Variants in PC observed in about 807,000 individuals in gnomAD.
The protein encoded by PC is pyruvate carboxylase, mitochondrial.
PC carries 46 observed loss-of-function variants against 107.8 expected under a neutral mutation model. The ratio of observed to expected loss-of-function variants is 0.43; its 90% confidence interval spans 0.34 to 0.55. The LOEUF (loss-of-function observed/expected upper bound fraction) is 0.55. PC is among the 20% of genes least tolerant of loss of function. PC has a pLI of 0.04. For synonymous variants in PC, 662 were observed against 684.7 expected, an observed-to-expected ratio of 0.97 and a Z score of 0.52; for missense variants, 1,241 against 1,643.1, an observed-to-expected ratio of 0.76 and a Z score of 4.23.
chr11:66,903,547 C>T (rs898267427), intron 3 of PC, among the ~76,000 whole-genome samples: 6 of 150,480 alleles, frequency 4.0e-5, no homozygotes, highest in South Asian at 2.1e-4. Context: ...CAAAACCAGC[C>T]TGGCCAACTT....
intron 3 of PC, among the ~76,000 whole-genome samples, chr11:66,936,578 G>A (rs1418089368): frequency 1.7e-4 from 26 of 152,170 alleles, no homozygotes; most frequent in Admixed American, 1.6e-3. Context: ...TCAGTAAAAT[G>A]TTGTGAAATG....
In PC at chr11:66,875,712, C is replaced by T. The variant is rs367816568; in HGVS notation, c.1-3553G>A. Among the ~76,000 whole-genome samples the T allele has an allele frequency of 1.1e-4, 16 of 152,130 alleles. No individual in the cohort carries two copies. The East Asian group carries it at 2.1e-3, about 20-fold the overall frequency. ...GATGGGGGCTGGGAAGGGGCCACTG[C>T]GGTGACCAGGAGGCACCCAGGTCAC... On this transcript the variant is annotated intron_variant, in intron 3 of 22. Coordinates refer to ENST00000393960, the MANE Select transcript of PC (RefSeq NM_001040716.2).
Position 66,858,715 on chromosome 11 carries a change from A to G in PC, c.1368+5059T>C, listed in dbSNP as rs774498707. 1.4e-5 allele frequency: 22 copies of G among 1,550,056 alleles called. 1 individual carries two copies. The highest frequency in any genetic ancestry group is 5.9e-5 in the South Asian group (5 of 84,660). ...GGTCCTGACGACCGGTTGGTTGGCA[A>G]CTCCTCCCGAGCCCGGGCTTTCCCC... On this transcript the variant is annotated intron_variant, in intron 12 of 22. Coordinates refer to ENST00000393960, the MANE Select transcript of PC (RefSeq NM_001040716.2). This position sits in a 1 kb window ranked among gnomAD's most constrained non-coding sequence, Gnocchi z 5.9.
Position 66,857,887 on chromosome 11 carries a change from G to A in PC, c.1369-4504C>T, listed in dbSNP as rs747133744. The A allele has an allele frequency of 1.2e-6, 2 of 1,611,346 alleles. No individual in the cohort carries two copies. Among genetic ancestry groups the A allele is most frequent in the Admixed American group, 1.7e-5 (1 of 59,988 alleles). On this transcript the variant is annotated intron_variant, in intron 12 of 22. Coordinates refer to ENST00000393960, the MANE Select transcript of PC (RefSeq NM_001040716.2). The surrounding 1 kb of genome is among the most constrained non-coding windows in gnomAD (Gnocchi z 7.1). ...CTGTTTGTGCCGCCCAACGTGGACC[G>A]GCGCACAGTGGAGCTGCGGCTGGCT...
chr11:66,862,664 T>G (rs932562459), intron 12 of PC, among the ~76,000 whole-genome samples: 3 of 152,188 alleles, frequency 2.0e-5, no homozygotes, highest in African/African-American at 7.2e-5. Context: ...ACGGGACACG[T>G]GCTGGCTTCA....
chr11:66,910,288 A>T (rs1166195676), intron 3 of PC, among the ~76,000 whole-genome samples: 1 of 152,104 alleles, frequency 6.6e-6, no homozygotes, highest in Non-Finnish European at 1.5e-5. Context: ...GGTAGTGCTT[A>T]CATCTGTCTC....
chr11:66,880,574 G>A (rs137887442), intron 3 of PC, among the ~76,000 whole-genome samples: 189 of 152,308 alleles, frequency 1.2e-3, no homozygotes, highest in Non-Finnish European at 2.0e-3. Flanking sequence ...CAGGCTGTAC[G>A]AAACCAAGCC....
intron 3 of PC, among the ~76,000 whole-genome samples, chr11:66,909,128 A>G (rs1160040661): frequency 6.6e-6 from 1 of 152,124 alleles, no homozygotes; most frequent in Non-Finnish European, 1.5e-5. Flanking sequence ...TGGTTGTGAC[A>G]ATTCTTGTCC....
rs183575591 is a variant in PC, at chr11:66,913,423, G to A, written c.-1+39007C>T. On this transcript the variant is annotated intron_variant, in intron 3 of 22. Transcript: ENST00000393960. ...CTGCAGGCTGGGCGCAGTGGCTCAC[G>A]CTTGTAATCCCAGCACTTTGGGAGG... is the stretch of plus-strand genomic sequence containing the variant. Among the ~76,000 whole-genome samples, 3 of 151,912 alleles carry A rather than the reference G, an allele frequency of 2.0e-5. No homozygotes were observed. The South Asian group carries it at 6.2e-4, about 31-fold the overall frequency.
intron 3 of PC, among the ~76,000 whole-genome samples, chr11:66,873,120 G>C (rs894265060): frequency 6.7e-6 from 1 of 150,134 alleles, no homozygotes; most frequent in African/African-American, 2.5e-5. Flanking sequence ...AGGCACATTT[G>C]TGTGAGCTCA....
At chr11:66,893,360 G>A (rs1377788618) in intron 3 of PC, among the ~76,000 whole-genome samples, 1 of 152,168 alleles carries the variant, frequency 6.6e-6, no homozygotes, top group Non-Finnish European at 1.5e-5. Context: ...CGGGGAGTGA[G>A]GGGAGCAGCG....
intron 12 of PC, among the ~76,000 whole-genome samples, chr11:66,861,258 C>T (rs2135888853): frequency 6.6e-6 from 1 of 152,330 alleles, no homozygotes; most frequent in African/African-American, 2.4e-5. Flanking sequence ...GAACTATCTG[C>T]TTCTAGGCAC....
chr11:66,868,847 C>A lies in PC; in HGVS notation c.1021G>T (p.Asp341Tyr), dbSNP rs370810518. 1 of 1,611,180 alleles carries A rather than the reference C, an allele frequency of 6.2e-7. No homozygotes were observed. The highest frequency in any genetic ancestry group is 8.5e-7 in the Non-Finnish European group (1 of 1,177,672). ...VEHTVTEEIT[D>Y]VDLVHAQIHV... ...CCCCGCCTGCCCGCCCACACTCACT[C>A]GGTGATCTCCTCTGTGACCGTGTGC... The change falls in exon 10 of 23, where the codon GAC becomes TAC. Residue 341 changes from aspartate to tyrosine, a missense_variant and splice_region_variant. By Grantham distance (160) the Asp-to-Tyr change is radical. Around this residue, in one of 2 missense-constraint regions of PC, gnomAD observed 1,143 missense variants for 1,551.9 expected, o/e 0.74. Coordinates refer to ENST00000393960, the MANE Select transcript of PC (RefSeq NM_001040716.2).
At chr11:66,859,577 G>C in intron 12 of PC, 1 of 1,603,248 alleles carries the variant, frequency 6.2e-7, no homozygotes, top group South Asian at 1.1e-5. Context: ...ACGGGAGTGG[G>C]GAGGTGAGGA....
At position 66,849,238 on chromosome 11, in the gene PC, C is replaced by T; in HGVS notation, c.3280G>A (p.Ala1094Thr). 1 of 1,613,756 alleles carries T rather than the reference C, an allele frequency of 6.2e-7. No individual in the cohort carries two copies. Among genetic ancestry groups the T allele is most frequent in the East Asian group, 2.2e-5 (1 of 44,874 alleles). ...CCTGGGGGAGACAATACCTTCATGG[C>T]CTGGGTGTCCTTGACCAAGATGGAC... ...LRSILVKDTQ[A>T]MKEMHFHPKA... is the part of the protein sequence containing the mutation. The change falls in exon 22 of 23, where the codon GCC becomes ACC. Residue 1094 changes from alanine to threonine, a missense_variant. Around this residue, in one of 2 missense-constraint regions of PC, gnomAD observed 1,143 missense variants for 1,551.9 expected, o/e 0.74. Coordinates refer to ENST00000393960, the MANE Select transcript of PC (RefSeq NM_001040716.2).
In PC at chr11:66,945,853, G is replaced by A. The variant is rs1309349029; in HGVS notation, c.-1+6577C>T. Among the ~76,000 whole-genome samples the A allele has an allele frequency of 3.6e-5, 5 of 139,822 alleles. 1 individual carries two copies. Among genetic ancestry groups the A allele is most frequent in the African/African-American group, 1.0e-4 (4 of 38,236 alleles). 91.7% of individuals were successfully genotyped at this position (139,822 alleles called of 152,430 possible). On this transcript the variant is annotated intron_variant, in intron 3 of 22. Coordinates refer to ENST00000393960, the MANE Select transcript of PC (RefSeq NM_001040716.2). ...TGTAATCCCAGCACTTTGGGAGGCCGAGGCGGGTGGATCATGAGGTCAGGA... is the reference window on the plus strand; with the variant it reads ...TGTAATCCCAGCACTTTGGGAGGCCAAGGCGGGTGGATCATGAGGTCAGGA...
intron 10 of PC, among the ~76,000 whole-genome samples, chr11:66,868,615 G>A (rs1329783329): frequency 2.0e-5 from 3 of 152,214 alleles, no homozygotes; most frequent in African/African-American, 7.2e-5. Context: ...TCCTGACAGA[G>A]AGGAGGGCTG....
At chr11:66,895,363 C>A (rs1947718224) in intron 3 of PC, among the ~76,000 whole-genome samples, 1 of 152,154 alleles carries the variant, frequency 6.6e-6, no homozygotes, top group East Asian at 1.9e-4. Flanking sequence ...GCATTTTAGA[C>A]CCTCCTAATA....
intron 10 of PC, 71 bp downstream of exon 10, chr11:66,868,775 G>T: frequency 8.2e-7 from 1 of 1,221,998 alleles, no homozygotes; most frequent in South Asian, 1.2e-5. Flanking sequence ...GGCCCCAGGA[G>T]CCACTTCGCC....
Sources: allele counts gnomAD v4.1 joint callset (sites outside exome capture counted in the v4.1 genomes callset), GRCh38; gene constraint gnomAD v4.1.1; regional missense constraint gnomAD v4.1.1; non-coding constraint Gnocchi (gnomAD v3.1); transcripts MANE v1.5; gene names NCBI Gene and HGNC (gene_info 2026-07-23, HGNC 2026-07-21).